DDX5: variants seen among roughly 807,000 people sequenced by gnomAD.
DDX5 encodes probable ATP-dependent RNA helicase DDX5.
Under a neutral mutation model 68.6 loss-of-function variants are expected in DDX5, and 6 were observed. The ratio of observed to expected loss-of-function variants is 0.09; its 90% CI spans 0.05 to 0.17. DDX5 has a LOEUF of 0.17. Ranked by LOEUF, DDX5 falls within the 10% of genes least tolerant of loss-of-function variation. DDX5 has a pLI of 1.00. For missense variants in DDX5, 499 were observed against 756.1 expected, an observed-to-expected ratio of 0.66 and a Z score of 3.99; for synonymous variants, 350 against 247.0, an observed-to-expected ratio of 1.42 and a Z score of -3.91.
intron 1 of DDX5, 150 bp from the exon 2 acceptor site, chr17:64,504,992 C>CTCCT (rs1555671911): frequency 4.8e-5 from 30 of 620,348 alleles, no homozygotes; most frequent in African/African-American, 3.1e-4. Context: ...ATCTCTCTCT[C>CTCCT]TCTCAACAGC....
rs782461886 is a variant in DDX5 at position 64,504,321 on chromosome 17, G to A, written c.211-3C>T. The A allele has an allele frequency of 9.3e-6, 15 of 1,612,152 alleles. No individual in the cohort carries two copies. The highest frequency in any genetic ancestry group is 3.3e-4 in the Middle Eastern group (2 of 6,058). On this transcript the variant is annotated splice_polypyrimidine_tract_variant and splice_region_variant and intron_variant, in intron 2 of 12. Transcript: ENST00000225792. The stretch of plus-strand genomic sequence containing the variant: ...CTTCTGTATGTTTCCACCTCTTGCT[G>A]CAAAACAAATTATAACAGTCTTAAA...
upstream of DDX5, chr17:64,506,468 C>A: frequency 1.7e-6 from 2 of 1,183,668 alleles, no homozygotes; most frequent in South Asian, 1.6e-5. Flanking sequence ...CAGGTCAGGG[C>A]CCACCCACCA....
At chr17:64,502,619 G>A in intron 8 of DDX5, 70 bp from the exon 9 acceptor site, 2 of 1,135,666 alleles carry the variant, frequency 1.8e-6, no homozygotes, top group Non-Finnish European at 2.6e-6. Context: ...CACATTTATG[G>A]TCAGCAAAAC....
Position 64,503,097 on chromosome 17 carries a change from G to A in DDX5, c.812C>T (p.Pro271Leu). 6.2e-7 allele frequency: 1 copy of A among 1,612,678 alleles called. No individual in the cohort carries two copies. The highest frequency in any genetic ancestry group is 1.7e-5 in the Admixed American group (1 of 59,868). Residue 271 changes from proline to leucine, a missense_variant and splice_region_variant, in exon 8 of 13, where the codon CCT (proline) becomes CTT (leucine). This residue lies in a region of DDX5 where 141 missense variants were observed against 279.8 expected (regional missense o/e 0.50). Coordinates refer to ENST00000225792, the MANE Select transcript of DDX5 (RefSeq NM_004396.5). ...ACTCCACATTAGAGTTTGCCTATCAGGCTAATGGATTTTGGGGGGAAAAAT... is the reference window on the plus strand; with the variant it reads ...ACTCCACATTAGAGTTTGCCTATCAAGCTAATGGATTTTGGGGGGAAAAAT... Reference protein sequence around the residue: ...QIRKIVDQIRPDRQTLMWSAT... With the variant: ...QIRKIVDQIRLDRQTLMWSAT...
rs782345724 is a variant in DDX5, at chr17:64,504,211, G to A, written c.307+11C>T. Reference sequence around the variant, plus strand: ...AAACACGGGTAGGTAGAACTGAAAAGTAGCACTTACCAGGGAAATTGGCTT... The same window carrying A: ...AAACACGGGTAGGTAGAACTGAAAAATAGCACTTACCAGGGAAATTGGCTT... On this transcript the variant is annotated intron_variant, in intron 3 of 12. Transcript: ENST00000225792. 2 of 1,613,628 alleles carry A rather than the reference G, an allele frequency of 1.2e-6. No homozygotes were observed. Among genetic ancestry groups the A allele is most frequent in the East Asian group, 2.2e-5 (1 of 44,890 alleles).
In DDX5 at chr17:64,498,866, T is replaced by C. The variant is rs1555670346; in HGVS notation, c.*1057A>G. Among the ~76,000 whole-genome samples, 3 of 152,232 alleles carry C rather than the reference T, an allele frequency of 2.0e-5. No homozygotes were observed. Among genetic ancestry groups the C allele is most frequent in the Admixed American group, 6.5e-5 (1 of 15,288 alleles). Reference sequence around the variant, plus strand: ...GTTGAACCTACCATGAAAACTTTCATTCACTGTGCTTTTGGTTACGTTGCC... The same window carrying C: ...GTTGAACCTACCATGAAAACTTTCACTCACTGTGCTTTTGGTTACGTTGCC... On this transcript the variant is annotated 3_prime_UTR_variant, in exon 13 of 13. Transcript: ENST00000225792.
chr17:64,499,694 T>G lies in DDX5; in HGVS notation c.*229A>C, dbSNP rs1555670614. ...ATTGTATTTCAAATCACTGTACATT[T>G]ACTTTTGTGAAAACACTGCCTGCAT... On this transcript the variant is annotated 3_prime_UTR_variant, in exon 13 of 13. Coordinates refer to ENST00000225792, the MANE Select transcript of DDX5 (RefSeq NM_004396.5). The G allele has an allele frequency of 2.3e-6, 1 of 442,742 alleles. No individual in the cohort carries two copies. The highest frequency in any genetic ancestry group is 2.0e-5 in the African/African-American group (1 of 50,268). The allele number at this position is 442,742 out of a possible 1,614,324, so 27.4% of individuals were successfully genotyped here. A position where few individuals can be genotyped will look rare whatever the true frequency, so the allele number is the denominator to read the frequency against.
In DDX5 at chr17:64,505,029, A is replaced by G. The variant is rs2038402086; in HGVS notation, c.45-187T>C. On this transcript the variant is annotated intron_variant, in intron 1 of 12. Transcript: ENST00000225792. The stretch of plus-strand genomic sequence containing the variant: ...ACAGTTAACATTTCCCGTAGTCCCA[A>G]GTACACATTACTTAGGTCATGTAAA... 2 of 532,268 alleles carry G rather than the reference A, an allele frequency of 3.8e-6. 1 individual carries two copies. Among genetic ancestry groups the G allele is most frequent in the African/African-American group, 3.9e-5 (2 of 51,354 alleles). The allele number at this position is 532,268 out of a possible 1,614,324, so 33.0% of individuals were successfully genotyped here.
At position 64,504,334 on chromosome 17, in the gene DDX5, T is replaced by A; in HGVS notation, c.211-16A>T. 1 of 1,605,234 alleles carries A rather than the reference T, an allele frequency of 6.2e-7. No homozygotes were observed. The highest frequency in any genetic ancestry group is 1.1e-5 in the South Asian group (1 of 90,820). ...CCACCTCTTGCTGCAAAACAAATTA[T>A]AACAGTCTTAAAATTCATGACAACC... On this transcript the variant is annotated splice_polypyrimidine_tract_variant and intron_variant, in intron 2 of 12. Transcript: ENST00000225792.
Position 64,499,958 on chromosome 17 carries a change from T to C in DDX5, c.1810A>G (p.Ile604Val), listed in dbSNP as rs782359285. The change falls in exon 13 of 13, where the codon ATT becomes GTT. Residue 604 changes from isoleucine (I) to valine (V), a missense_variant. Ile to Val is a conservative substitution (Grantham distance 29, BLOSUM62 3). Around this residue, in one of 5 missense-constraint regions of DDX5, gnomAD observed 171 missense variants for 174.8 expected, o/e 0.98. Coordinates refer to ENST00000225792, the MANE Select transcript of DDX5 (RefSeq NM_004396.5). The stretch of plus-strand genomic sequence containing the variant: ...TATCCTGTTGGCATTGGATAACCAA[T>C]CATAGGTGCAGCTGCAGTAGCAGGA... The part of the protein sequence containing the change: ...AYPATAAAPM[I>V]GYPMPTGYSQ 1.9e-6 allele frequency: 3 copies of C among 1,611,172 alleles called. No homozygotes were observed. The highest frequency in any genetic ancestry group is 1.1e-5 in the South Asian group (1 of 90,750).
In DDX5 at chr17:64,499,005, C is replaced by G. The variant is rs1371683815; in HGVS notation, c.*918G>C. ...AATTATTGGAAAGACATTCATGACT[C>G]CCAGTGTGACTAGTTAAGAGCCCCA... On this transcript the variant is annotated 3_prime_UTR_variant, in exon 13 of 13. Transcript: ENST00000225792. Among the ~76,000 whole-genome samples the G allele has an allele frequency of 6.6e-6, 1 of 152,170 alleles. No individual in the cohort carries two copies.
In DDX5 at chr17:64,499,756, A is replaced by C; in HGVS notation, c.*167T>G. On this transcript the variant is annotated 3_prime_UTR_variant, in exon 13 of 13. Transcript: ENST00000225792. ...AAAAAAACCTAAAAATTGTTTCAGG[A>C]ATGTAGAGAAATATCCAACTTAAAT... 2 of 566,004 alleles carry C rather than the reference A, an allele frequency of 3.5e-6. No individual in the cohort carries two copies. The highest frequency in any genetic ancestry group is 5.6e-6 in the Non-Finnish European group (2 of 355,688). The allele number at this position is 566,004 out of a possible 1,614,324, so 35.1% of individuals were successfully genotyped here.
At chr17:64,501,451 G>C (rs1344572654) in intron 11 of DDX5, 2 of 156,540 alleles carry the variant, frequency 1.3e-5, no homozygotes, top group Non-Finnish European at 2.8e-5. Context: ...TCCTGCTCTA[G>C]ATCTCATGTG....
At chr17:64,503,899 A>G (rs2038359702) in intron 4 of DDX5, 31 bp from the exon 5 acceptor site, 2 of 1,613,764 alleles carry the variant, frequency 1.2e-6, no homozygotes, top group African/African-American at 1.3e-5. Context: ...GACAAACAGA[A>G]ATCACATTAA....
At chr17:64,506,758 A>C (rs1047847309), upstream of DDX5, 31 of 493,852 alleles carry the variant, frequency 6.3e-5, no homozygotes, top group East Asian at 8.5e-4. Flanking sequence ...AGCTCACCGG[A>C]AGTGCGCTGC....
chr17:64,499,756 A>G lies in DDX5; in HGVS notation c.*167T>C, dbSNP rs2038248595. ...AAAAAAACCTAAAAATTGTTTCAGG[A>G]ATGTAGAGAAATATCCAACTTAAAT... On this transcript the variant is annotated 3_prime_UTR_variant, in exon 13 of 13. Transcript: ENST00000225792. The G allele has an allele frequency of 1.8e-6, 1 of 566,004 alleles. No homozygotes were observed. The highest frequency in any genetic ancestry group is 2.8e-6 in the Non-Finnish European group (1 of 355,688). 35.1% of individuals were successfully genotyped at this position (566,004 alleles called of 1,614,324 possible).
At position 64,504,795 on chromosome 17, in the gene DDX5, C is replaced by A; in HGVS notation, c.92G>T (p.Gly31Val). 6.2e-7 allele frequency: 1 copy of A among 1,614,044 alleles called. No individual in the cohort carries two copies. Among genetic ancestry groups the A allele is most frequent in the Non-Finnish European group, 8.5e-7 (1 of 1,179,956 alleles). The change falls in exon 2 of 13, where the codon GGA (glycine) becomes GTA (valine). Residue 31 changes from glycine to valine, a missense_variant. By Grantham distance (109) the Gly-to-Val change is moderately radical. Transcript: ENST00000225792. Reference sequence around the variant, plus strand: ...CTCCCCAGGGTTTCCAAACTTCTTTCCAGATAAGGGCCCTGCCCTACTTCC... The same window carrying A: ...CTCCCCAGGGTTTCCAAACTTCTTTACAGATAAGGGCCCTGCCCTACTTCC... ...FGGSRAGPLS[G>V]KKFGNPGEKL...
chr17:64,503,395 C>T (rs1465630268), intron 6 of DDX5, 35 bp downstream of exon 6: 4 of 1,613,800 alleles, frequency 2.5e-6, no homozygotes, highest in South Asian at 2.2e-5. Context: ...GGATATTTAG[C>T]ACCAATGACA....
chr17:64,504,261 G>C lies in DDX5; in HGVS notation c.268C>G (p.Pro90Ala), dbSNP rs375555795. The part of the protein sequence containing the change: ...KEITVRGHNC[P>A]KPVLNFYEAN... The stretch of plus-strand genomic sequence containing the variant: ...TCATAAAAATTTAGAACTGGCTTCG[G>C]GCAGTTGTGACCTCTAACTGTAATT... Residue 90 changes from proline (P) to alanine (A), a missense_variant, in exon 3 of 13, where the codon CCG (proline) becomes GCG (alanine). Physicochemically the swap from Pro to Ala is conservative, Grantham distance 27. Around this residue, in one of 5 missense-constraint regions of DDX5, gnomAD observed 140 missense variants for 135.7 expected, o/e 1.03. Transcript: ENST00000225792. 21 of 1,613,982 alleles carry C rather than the reference G, an allele frequency of 1.3e-5. No homozygotes were observed. The highest frequency in any genetic ancestry group is 1.8e-5 in the Non-Finnish European group (21 of 1,180,024).
Sources: allele counts gnomAD v4.1 joint callset (sites outside exome capture counted in the v4.1 genomes callset), GRCh38; gene constraint gnomAD v4.1.1; regional missense constraint gnomAD v4.1.1; transcripts MANE v1.5; gene names NCBI Gene and HGNC (gene_info 2026-07-23, HGNC 2026-07-21).